The following IGF1R variants were observed in gnomAD, a reference collection of about 807,000 sequenced individuals.
IGF1R encodes insulin like growth factor 1 receptor.
Under a neutral mutation model 144.6 loss-of-function variants are expected in IGF1R, and 44 were observed. That is an observed-to-expected ratio of 0.30 (90% CI 0.24 to 0.39). The LOEUF is 0.39. Among genes scored for constraint, IGF1R ranks in the 10% least tolerant of loss-of-function variants. IGF1R has a pLI of 1.00. For synonymous variants in IGF1R, 795 were observed against 722.8 expected (o/e 1.10, Z -1.60); for missense variants, 1,355 against 1,833.7 (o/e 0.74, Z 4.77).
At chr15:98,954,012 G>C (rs62025669) in intron 20 of IGF1R, 3,454 of 152,348 alleles carry the variant, frequency 0.023, 52 homozygotes, top group Middle Eastern at 0.041. Context: ...AGGAGGGAGA[G>C]ACACATTCAG....
At chr15:98,686,245 A>G (rs748562382) in intron 1 of IGF1R, among the ~76,000 whole-genome samples, 4 of 152,242 alleles carry the variant, frequency 2.6e-5, no homozygotes, top group Non-Finnish European at 2.9e-5. Flanking sequence ...ATAATATTTA[A>G]TAATATATGT....
chr15:98,910,902 A>C (rs1464442224), intron 6 of IGF1R, among the ~76,000 whole-genome samples: 1 of 152,226 alleles, frequency 6.6e-6, no homozygotes, highest in Non-Finnish European at 1.5e-5. Flanking sequence ...CAACTGCAGA[A>C]CAAGTGTCAT....
intron 2 of IGF1R, among the ~76,000 whole-genome samples, chr15:98,752,684 AAAG>A (rs1307540200): frequency 2.6e-5 from 2 of 77,854 alleles, no homozygotes; most frequent in Admixed American, 1.1e-4. Context: ...ACTCCGTCTC[AAAG>A]AAAAAAAAAA....
chr15:98,880,999 A>T (rs370228364), intron 2 of IGF1R: 1 of 152,200 alleles, frequency 6.6e-6, no homozygotes, highest in Non-Finnish European at 1.5e-5. Flanking sequence ...TATTTTCTTC[A>T]TCAATTCATG....
chr15:98,742,901 G>A (rs886627341), intron 2 of IGF1R, among the ~76,000 whole-genome samples: 1 of 152,120 alleles, frequency 6.6e-6, no homozygotes, highest in South Asian at 2.1e-4. Context: ...GCCAGGCTTG[G>A]TGGTGGGTGC....
intron 2 of IGF1R, among the ~76,000 whole-genome samples, chr15:98,878,705 A>AAC: frequency 6.7e-6 from 1 of 148,996 alleles, no homozygotes; most frequent in East Asian, 2.0e-4. Context: ...ACAACAACAA[A>AAC]AAAAAGGCCA....
intron 2 of IGF1R, among the ~76,000 whole-genome samples, chr15:98,756,521 T>C (rs761435980): frequency 9.2e-5 from 14 of 152,142 alleles, no homozygotes; most frequent in Admixed American, 2.6e-4. Context: ...TACTAACACA[T>C]ATTTTTGCTC....
chr15:98,742,768 G>A (rs943050493), intron 2 of IGF1R, among the ~76,000 whole-genome samples: 1 of 152,188 alleles, frequency 6.6e-6, no homozygotes, highest in Non-Finnish European at 1.5e-5. Flanking sequence ...ACAATGGGCC[G>A]GATGTGGTGG....
At chr15:98,772,476 AATTATTATTATTATT>A (rs147636909) in intron 2 of IGF1R, among the ~76,000 whole-genome samples, 1 of 62,526 alleles carries the variant, frequency 1.6e-5, no homozygotes, top group African/African-American at 4.0e-5. Context: ...GTCACTTAAA[AATTATTATTATTATT>A]ATTATTATTA....
At chr15:98,946,108 T>G (rs534510343) in intron 19 of IGF1R, among the ~76,000 whole-genome samples, 2 of 146,332 alleles carry the variant, frequency 1.4e-5, no homozygotes, top group East Asian at 2.1e-4. Flanking sequence ...TCTGACAGTT[T>G]GGGGTTGCAT....
intron 4 of IGF1R, among the ~76,000 whole-genome samples, chr15:98,899,046 G>A (rs2014341150): frequency 6.6e-6 from 1 of 152,124 alleles, no homozygotes; most frequent in Admixed American, 6.5e-5. Context: ...TGTATCTTAG[G>A]AATTAGAAAG....
intron 2 of IGF1R, among the ~76,000 whole-genome samples, chr15:98,742,730 A>G (rs540713731): frequency 3.1e-4 from 47 of 152,350 alleles, no homozygotes; most frequent in Admixed American, 1.6e-3. Context: ...TGTTACAAAC[A>G]TTGGCTTGCC....
intron 2 of IGF1R, among the ~76,000 whole-genome samples, chr15:98,839,786 C>G (rs537222234): frequency 6.6e-6 from 1 of 152,284 alleles, no homozygotes; most frequent in African/African-American, 2.4e-5. Context: ...TAGAGTGGTG[C>G]TCACCTCCAC....
At chr15:98,761,571 C>T (rs538224835) in intron 2 of IGF1R, among the ~76,000 whole-genome samples, 12 of 152,338 alleles carry the variant, frequency 7.9e-5, no homozygotes, top group East Asian at 3.9e-4. Flanking sequence ...GGTACTACCA[C>T]TCACTGTCAC....
chr15:98,907,238 T>C (rs1250188127), intron 5 of IGF1R, among the ~76,000 whole-genome samples: 3 of 152,222 alleles, frequency 2.0e-5, no homozygotes. Flanking sequence ...CTTGGCAGCA[T>C]TGTAACCATA....
chr15:98,888,438 A>T (rs7165640), intron 2 of IGF1R, among the ~76,000 whole-genome samples: 49 of 143,454 alleles, frequency 3.4e-4, no homozygotes, highest in African/African-American at 7.2e-4. Context: ...AGAGAGAGAG[A>T]GTGTGTGTGT....
intron 2 of IGF1R, among the ~76,000 whole-genome samples, chr15:98,815,656 G>A (rs1042908056): frequency 5.3e-5 from 8 of 152,336 alleles, no homozygotes; most frequent in African/African-American, 1.7e-4. Flanking sequence ...CTCTCAGTGC[G>A]TAGGATAGGG....
intron 2 of IGF1R, among the ~76,000 whole-genome samples, chr15:98,796,988 C>G (rs868320322): frequency 6.6e-6 from 1 of 152,154 alleles, no homozygotes; most frequent in East Asian, 1.9e-4. Context: ...TGAGCCTGTT[C>G]CCCCCTCATT....
intron 9 of IGF1R, chr15:98,916,382 A>T (rs1233805411): frequency 1.8e-6 from 1 of 553,996 alleles, no homozygotes; most frequent in African/African-American, 1.9e-5. Flanking sequence ...ATTCCCCAGC[A>T]TTCCGAGTAG....
Sources: allele counts gnomAD v4.1 joint callset (sites outside exome capture counted in the v4.1 genomes callset), GRCh38; gene constraint gnomAD v4.1.1; transcripts MANE v1.5; gene names NCBI Gene and HGNC (gene_info 2026-07-23, HGNC 2026-07-21).